Variants in EP400 observed in about 807,000 individuals in gnomAD.
The protein encoded by EP400 is E1A binding protein p400.
A neutral mutation model predicts 354.1 loss-of-function variants in EP400; 105 were observed. That is an observed-to-expected ratio of 0.30 (90% CI 0.25 to 0.35). The LOEUF is 0.35. Among genes scored for constraint, EP400 ranks in the 10% least tolerant of loss-of-function variants. The pLI is 1.00. For synonymous variants in EP400, 1,646 were observed against 1,716.9 expected (o/e 0.96, Z 1.02); for missense variants, 3,280 against 4,121.0 (o/e 0.80, Z 5.59).
At chr12:131,979,671 C>G in intron 2 of EP400, 23 bp from the exon 3 acceptor site, 2 of 1,596,910 alleles carry the variant, frequency 1.3e-6, no homozygotes, top group Non-Finnish European at 1.7e-6. Flanking sequence ...ATCAAAATCT[C>G]ATTTTTTCAT....
chr12:132,076,219 T>G (rs1593393816), intron 51 of EP400: 2 of 461,322 alleles, frequency 4.3e-6, no homozygotes, highest in East Asian at 9.6e-5. Flanking sequence ...AGTCTGATTC[T>G]TTCATATAAA....
chr12:132,055,334 A>G, intron 45 of EP400, 126 bp downstream of exon 45: 2 of 802,222 alleles, frequency 2.5e-6, no homozygotes, highest in Non-Finnish European at 3.8e-6. Flanking sequence ...TTTGAATTTC[A>G]TAAAATAAGT....
At chr12:131,987,956 TA>T in intron 7 of EP400, 66 bp downstream of exon 7, 1 of 1,353,284 alleles carries the variant, frequency 7.4e-7, no homozygotes, top group Non-Finnish European at 9.7e-7. Flanking sequence ...TGCAGTGGTG[TA>T]AGTGGTGGGG....
chr12:132,079,456 C>G lies in EP400; in HGVS notation c.*1783C>G, dbSNP rs1020110006. On this transcript the variant is annotated 3_prime_UTR_variant, in exon 53 of 53. Transcript: ENST00000389561. ...AGTGGAAACTTTTACTCCTCCTCAT[C>G]CGCAGATGTGATAGAACTGAAGTAT... 6.6e-6 allele frequency: 1 copy of G among 152,278 alleles called. No individual in the cohort carries two copies. Among genetic ancestry groups the G allele is most frequent in the African/African-American group, 2.4e-5 (1 of 41,472 alleles). The allele number at this position is 152,278 out of a possible 1,614,324, so 9.4% of individuals were successfully genotyped here.
chr12:132,044,141 C>A (rs748606286), intron 34 of EP400, 36 bp from the exon 35 acceptor site: 2 of 1,610,998 alleles, frequency 1.2e-6, no homozygotes, highest in South Asian at 1.1e-5. Context: ...GAGCTGCACT[C>A]CTGATCCTGA....
chr12:132,028,412 G>A, intron 27 of EP400, 124 bp downstream of exon 27: 2 of 1,274,950 alleles, frequency 1.6e-6, no homozygotes, highest in South Asian at 1.4e-5. Flanking sequence ...TCCCTTAGCG[G>A]TCTGTTTTGA....
rs1451513783 is a variant in EP400 at position 131,986,753 on chromosome 12, T to A, written c.2169T>A (p.Asn723Lys). ...APTKPQSPAQ[N>K]ATSSQDSSQD... ...CCAAACCACAGAGTCCTGCTCAGAA[T>A]GCCACCTCGTCCCAAGACAGTTCTC... The change falls in exon 6 of 53, where the codon AAT (asparagine) becomes AAA (lysine). Residue 723 changes from asparagine to lysine, a missense_variant. Around this residue, in one of 20 missense-constraint regions of EP400, gnomAD observed 800 missense variants for 840.0 expected, o/e 0.95. Transcript: ENST00000389561. 6.2e-7 allele frequency: 1 copy of A among 1,614,210 alleles called. No homozygotes were observed. Among genetic ancestry groups the A allele is most frequent in the Admixed American group, 1.7e-5 (1 of 60,024 alleles).
chr12:132,018,527 C>T lies in EP400; in HGVS notation c.4277+151C>T. The T allele has an allele frequency of 8.5e-7, 1 of 1,172,506 alleles. No homozygotes were observed. Among genetic ancestry groups the T allele is most frequent in the Non-Finnish European group, 1.2e-6 (1 of 856,240 alleles). The allele number at this position is 1,172,506 out of a possible 1,614,324, so 72.6% of individuals were successfully genotyped here. A position where few individuals can be genotyped will look rare whatever the true frequency, so the allele number is the denominator to read the frequency against. The stretch of plus-strand genomic sequence containing the variant: ...GCTGGTGTCCTTGGCTGTGGTATGC[C>T]TGGCTCTGCAGATGCCTTTTAGGCT... On this transcript the variant is annotated intron_variant, in intron 21 of 52. Coordinates refer to ENST00000389561, the MANE Select transcript of EP400 (RefSeq NM_015409.5). The surrounding 1 kb of genome is among the most constrained non-coding windows in gnomAD (Gnocchi z 4.0).
chr12:132,053,241 C>A lies in EP400; in HGVS notation c.7473+17C>A. ...GAGAAAAAGGTCAGCGCCCTGGGCC[C>A]TTCTGCTTGAGTGGGAAAATGTGGT... On this transcript the variant is annotated intron_variant, in intron 42 of 52. Coordinates refer to ENST00000389561, the MANE Select transcript of EP400 (RefSeq NM_015409.5). The A allele has an allele frequency of 6.2e-7, 1 of 1,613,180 alleles. No homozygotes were observed. Among genetic ancestry groups the A allele is most frequent in the Non-Finnish European group, 8.5e-7 (1 of 1,179,960 alleles).
In EP400 at chr12:131,991,072, C is replaced by T. The variant is rs184400600; in HGVS notation, c.2630-335C>T. On this transcript the variant is annotated intron_variant, in intron 9 of 52. Transcript: ENST00000389561. ...TGTTTCTTCGGCAGCTGCCTCCGCT[C>T]GTTATGTGCCACTCCACTTAGGATG... 2.8e-4 allele frequency among the ~76,000 whole-genome samples: 43 copies of T among 152,288 alleles called. No individual in the cohort carries two copies. The East Asian group carries it at 4.1e-3, about 14-fold the overall frequency.
chr12:132,030,396 T>A (rs570784922), intron 29 of EP400, among the ~76,000 whole-genome samples: 1 of 152,354 alleles, frequency 6.6e-6, no homozygotes, highest in Non-Finnish European at 1.5e-5. Flanking sequence ...GCAATCATCA[T>A]TAAGACGATA....
At chr12:132,045,041 C>G in intron 37 of EP400, 88 bp downstream of exon 37, 1 of 1,541,108 alleles carries the variant, frequency 6.5e-7, no homozygotes, top group East Asian at 2.3e-5. Flanking sequence ...GTCTGCCTGT[C>G]TGCTGTCTGC....
intron 1 of EP400, among the ~76,000 whole-genome samples, chr12:131,960,316 A>G (rs1266772117): frequency 6.6e-6 from 1 of 152,124 alleles, no homozygotes; most frequent in East Asian, 1.9e-4. Context: ...CGCCCACACA[A>G]GTTAGCTGTT....
intron 51 of EP400, among the ~76,000 whole-genome samples, chr12:132,071,307 C>G (rs1388494080): frequency 5.9e-5 from 9 of 152,168 alleles, no homozygotes; most frequent in Non-Finnish European, 2.9e-5. Context: ...AGATTCATGT[C>G]TGTAGCCACT....
At position 132,006,798 on chromosome 12, in the gene EP400, T is replaced by C. The variant is rs761506659; in HGVS notation, c.3225T>C (p.Asn1075=). The stretch of plus-strand genomic sequence containing the variant: ...CCAAACTTTACAGGAAGAATCTCAA[T>C]GGCATATTGGCAGATGAAGCTGGGC... ...WLAKLYRKNL[N]GILADEAGLG... The change falls in exon 15 of 53, where the codon AAT becomes AAC. Residue 1075 remains asparagine, a synonymous_variant. Coordinates refer to ENST00000389561, the MANE Select transcript of EP400 (RefSeq NM_015409.5). The C allele has an allele frequency of 1.2e-6, 2 of 1,614,206 alleles. No individual in the cohort carries two copies. Among genetic ancestry groups the C allele is most frequent in the Admixed American group, 1.7e-5 (1 of 60,020 alleles).
rs1329816512 is a variant in EP400, at chr12:132,075,063, C to G, written c.9022-1453C>G. On this transcript the variant is annotated intron_variant, in intron 51 of 52. Coordinates refer to ENST00000389561, the MANE Select transcript of EP400 (RefSeq NM_015409.5). This position sits in a 1 kb window ranked among gnomAD's most constrained non-coding sequence, Gnocchi z 4.5. ...ACCCACCTGGCCTCTGAATCTGTGT[C>G]TCCTCCTCTCTCCTCCCCGGCACTG... Among the ~76,000 whole-genome samples, 1 of 152,144 alleles carries G rather than the reference C, an allele frequency of 6.6e-6. No homozygotes were observed. Among genetic ancestry groups the G allele is most frequent in the Non-Finnish European group, 1.5e-5 (1 of 68,008 alleles).
Position 132,043,312 on chromosome 12 carries a change from G to A in EP400, c.6216G>A (p.Lys2072=). 6.2e-7 allele frequency: 1 copy of A among 1,610,554 alleles called. No individual in the cohort carries two copies. The highest frequency in any genetic ancestry group is 8.5e-7 in the Non-Finnish European group (1 of 1,179,042). The change falls in exon 33 of 53, where the codon AAG becomes AAA. Residue 2072 remains lysine (K), a synonymous_variant. Transcript: ENST00000389561. ...ACATAGACTTTCCTCAGGCCCTCAA[G>A]AGTATTGAGTATCTGGAGGAGGATG... ...KIARPFIEAL[K]SIEYLEEDAQ...
At chr12:131,988,311 T>C (rs1449340410) in intron 7 of EP400, among the ~76,000 whole-genome samples, 1 of 152,226 alleles carries the variant, frequency 6.6e-6, no homozygotes, top group Admixed American at 6.5e-5. Flanking sequence ...AAGCCTGTGC[T>C]CAGTGCTCAC....
At position 132,064,886 on chromosome 12, in the gene EP400, CGTAA is replaced by C. The variant is rs1565934609; in HGVS notation, c.8553+3_8553+6del. Reference sequence around the variant, plus strand: ...TGGCCAACCTCCAGGTGGCCCGGCTCGTAAGTGTCAGTTTCTGTTTGTTTTCCAA... The same window carrying C: ...TGGCCAACCTCCAGGTGGCCCGGCTCGTGTCAGTTTCTGTTTGTTTTCCAA... On this transcript the variant is annotated splice_donor_variant and splice_donor_region_variant and intron_variant, in intron 48 of 52. Transcript: ENST00000389561. LOFTEE classifies it high-confidence loss of function. 4 of 1,602,756 alleles carry C rather than the reference CGTAA, an allele frequency of 2.5e-6. No individual in the cohort carries two copies. The highest frequency in any genetic ancestry group is 2.6e-6 in the Non-Finnish European group (3 of 1,175,254).
Sources: gnomAD v4.1 joint callset for allele counts (sites outside exome capture counted in the v4.1 genomes callset) on GRCh38, gnomAD v4.1.1 for gene constraint, gnomAD v4.1.1 regional missense constraint, Gnocchi (gnomAD v3.1) non-coding constraint, MANE v1.5 for transcripts, NCBI Gene and HGNC (gene_info 2026-07-23, HGNC 2026-07-21) for gene names.